The following LRRC38 variants were observed in gnomAD, a reference collection of about 807,000 sequenced individuals.
LRRC38 encodes the protein leucine rich repeat containing 38, also known as leucine-rich repeat-containing protein 38.
In LRRC38, 5 loss-of-function variants were observed where a neutral mutation model predicts 16.4. The ratio of observed to expected loss-of-function variants is 0.31; its 90% CI spans 0.16 to 0.64. The LOEUF (loss-of-function observed/expected upper bound fraction) is 0.64, where lower values mean the gene tolerates loss of function less well. Ranked by LOEUF, LRRC38 falls within the 30% of genes least tolerant of loss-of-function variation. The pLI, the probability that LRRC38 is intolerant of heterozygous loss-of-function variation, is 0.80. For missense variants in LRRC38, 341 were observed against 401.8 expected, an observed-to-expected ratio of 0.85 and a Z score of 1.29; for synonymous variants, 191 against 190.2, an observed-to-expected ratio of 1.00 and a Z score of -0.04.
At chr1:13,512,479 T>G (rs1639283797) in intron 1 of LRRC38, among the ~76,000 whole-genome samples, 1 of 152,202 alleles carries the variant, frequency 6.6e-6, no homozygotes, top group Non-Finnish European at 1.5e-5. Flanking sequence ...CTCACCCATA[T>G]TAGACAGAAG....
intron 1 of LRRC38, among the ~76,000 whole-genome samples, chr1:13,481,048 G>C (rs1638847627): frequency 6.6e-6 from 1 of 152,164 alleles, no homozygotes; most frequent in South Asian, 2.1e-4. Context: ...TGGAGGTGAG[G>C]CCTCTGGGAG....
chr1:13,488,652 G>A (rs1451801307), intron 1 of LRRC38, among the ~76,000 whole-genome samples: 3 of 151,990 alleles, frequency 2.0e-5, no homozygotes, highest in Non-Finnish European at 4.4e-5. Context: ...CGCCAACACT[G>A]GATTTTGTCA....
rs139636711 is a variant in LRRC38 at position 13,510,035 on chromosome 1, C to T, written c.631+2928G>A. ...TCTCATGCAGGTGGTTCTCAGGTGA[C>T]GCTTTGAGAAACACCACGGTGCTCC... On this transcript the variant is annotated intron_variant, in intron 1 of 1. Transcript: ENST00000376085. Among the ~76,000 whole-genome samples, 61 of 152,276 alleles carry T rather than the reference C, an allele frequency of 4.0e-4. No individual in the cohort carries two copies. In the East Asian group the frequency reaches 4.3e-3, roughly 11 times the overall value.
At chr1:13,483,945 G>C (rs565080126) in intron 1 of LRRC38, among the ~76,000 whole-genome samples, 15 of 150,818 alleles carry the variant, frequency 9.9e-5, no homozygotes, top group African/African-American at 3.6e-4. Flanking sequence ...GGGGAGGAGC[G>C]GGGAGGGGAG....
intron 1 of LRRC38, among the ~76,000 whole-genome samples, chr1:13,485,807 G>C (rs1638925842): frequency 6.6e-6 from 1 of 152,192 alleles, no homozygotes; most frequent in Admixed American, 6.6e-5. Flanking sequence ...CACAAACCGA[G>C]GGGCTTAAAA....
intron 1 of LRRC38, among the ~76,000 whole-genome samples, chr1:13,483,920 G>A (rs181657507): frequency 1.2e-3 from 181 of 150,840 alleles, no homozygotes; most frequent in African/African-American, 4.3e-3. Context: ...CCAACAGAGA[G>A]GAGAGGAGTG....
intron 1 of LRRC38, among the ~76,000 whole-genome samples, chr1:13,481,100 G>A (rs150754021): frequency 7.6e-4 from 115 of 152,200 alleles, no homozygotes; most frequent in Middle Eastern, 6.8e-3. Flanking sequence ...GGGTGTGGCT[G>A]TCCTGATGGG....
In LRRC38 at chr1:13,503,948, C is replaced by T. The variant is rs529420623; in HGVS notation, c.631+9015G>A. On this transcript the variant is annotated intron_variant, in intron 1 of 1. Coordinates refer to ENST00000376085, the MANE Select transcript of LRRC38 (RefSeq NM_001010847.2). ...ACACCAGAGGACTCTTAATTGGCAG[C>T]CTCCGACGTGCAAGAGCCGGCCAAG... Among the ~76,000 whole-genome samples, 14 of 152,342 alleles carry T rather than the reference C, an allele frequency of 9.2e-5. 1 individual carries two copies. The highest frequency in any genetic ancestry group is 2.0e-4 in the Admixed American group (3 of 15,298).
chr1:13,510,845 C>A (rs538707088), intron 1 of LRRC38, among the ~76,000 whole-genome samples: 28 of 152,310 alleles, frequency 1.8e-4, no homozygotes, highest in Non-Finnish European at 3.8e-4. Context: ...AGATTATAAA[C>A]CTGAGTCCAA....
At position 13,513,572 on chromosome 1, in the gene LRRC38, A is replaced by T. The variant is rs1639303113; in HGVS notation, c.22T>A (p.Cys8Ser). 1.4e-5 allele frequency: 17 copies of T among 1,201,588 alleles called. No individual in the cohort carries two copies. The highest frequency in any genetic ancestry group is 1.8e-5 in the Non-Finnish European group (17 of 969,402). 74.4% of individuals were successfully genotyped at this position (1,201,588 alleles called of 1,614,324 possible). Residue 8 changes from cysteine to serine, a missense_variant, in exon 1 of 2, where the codon TGC becomes AGC. Physicochemically the swap from Cys to Ser is moderately radical, Grantham distance 112 (BLOSUM62 -1). Coordinates refer to ENST00000376085, the MANE Select transcript of LRRC38 (RefSeq NM_001010847.2). MRPRAPA[C>S]AAAALGLCSL... ...CAGAGCCCGAGCGCCGCGGCGGCGCAGGCTGGGGCTCGGGGGCGCATGGCC... is the reference window on the plus strand; with the variant it reads ...CAGAGCCCGAGCGCCGCGGCGGCGCTGGCTGGGGCTCGGGGGCGCATGGCC...
At chr1:13,507,353 G>A (rs1271166168) in intron 1 of LRRC38, among the ~76,000 whole-genome samples, 1 of 152,188 alleles carries the variant, frequency 6.6e-6, no homozygotes, top group African/African-American at 2.4e-5. Flanking sequence ...TCAACAGCAG[G>A]ACAGAGGTCA....
At chr1:13,512,622 C>T (rs1639285879) in intron 1 of LRRC38, among the ~76,000 whole-genome samples, 2 of 152,052 alleles carry the variant, frequency 1.3e-5, no homozygotes, top group African/African-American at 4.8e-5. Context: ...CTGCATTCCG[C>T]TTACCAGGGA....
Position 13,513,794 on chromosome 1 carries a change from G to A in LRRC38, c.-201C>T, listed in dbSNP as rs1639306960. ...GGGGAGCCGGGACAGCAGGGATGGA[G>A]AGGGGAGGGGCGGGGAGGGAGGGGC... is the stretch of plus-strand genomic sequence containing the variant. On this transcript the variant is annotated 5_prime_UTR_variant, in exon 1 of 2. Transcript: ENST00000376085. 6.6e-6 allele frequency: 1 copy of A among 151,978 alleles called. No individual in the cohort carries two copies. Among genetic ancestry groups the A allele is most frequent in the Admixed American group, 6.6e-5 (1 of 15,192 alleles). The allele number at this position is 151,978 out of a possible 1,614,324, so 9.4% of individuals were successfully genotyped here. A position where few individuals can be genotyped will look rare whatever the true frequency, so the allele number is the denominator to read the frequency against.
chr1:13,511,941 T>C (rs527356736), intron 1 of LRRC38, among the ~76,000 whole-genome samples: 1 of 152,312 alleles, frequency 6.6e-6, no homozygotes, highest in African/African-American at 2.4e-5. Context: ...CCTTGATTTC[T>C]CCGTAAATGG....
chr1:13,494,402 T>C lies in LRRC38; in HGVS notation c.632-18303A>G, dbSNP rs868266406. On this transcript the variant is annotated intron_variant, in intron 1 of 1. Coordinates refer to ENST00000376085, the MANE Select transcript of LRRC38 (RefSeq NM_001010847.2). ...TGTGCCAGGCACTGTGCTAGACTTT[T>C]TTTTTTTTTTTTTTTTCCATTTCTT... Among the ~76,000 whole-genome samples, 1,028 of 137,764 alleles carry C rather than the reference T, an allele frequency of 7.5e-3. 9 individuals carry two copies. The highest frequency in any genetic ancestry group is 0.035 in the African/African-American group (985 of 28,348). 90.4% of individuals were successfully genotyped at this position (137,764 alleles called of 152,430 possible). A position where few individuals can be genotyped will look rare whatever the true frequency, so the allele number is the denominator to read the frequency against.
chr1:13,502,406 C>T (rs1019439435), intron 1 of LRRC38, among the ~76,000 whole-genome samples: 3 of 152,184 alleles, frequency 2.0e-5, no homozygotes, highest in Non-Finnish European at 4.4e-5. Context: ...CTTGCTTCCC[C>T]AGCCTTGCTG....
chr1:13,483,319 T>C lies in LRRC38; in HGVS notation c.632-7220A>G, dbSNP rs1421428812. ...GGCACATGCCACCACCCCCAGCTAA[T>C]TTTTGTATTTTTAGTAGAGATGGGG... On this transcript the variant is annotated intron_variant, in intron 1 of 1. Transcript: ENST00000376085. 2.0e-5 allele frequency among the ~76,000 whole-genome samples: 3 copies of C among 152,056 alleles called. No homozygotes were observed. The East Asian group carries it at 5.8e-4, about 30-fold the overall frequency.
intron 1 of LRRC38, among the ~76,000 whole-genome samples, chr1:13,484,641 G>A (rs1306687079): frequency 1.3e-5 from 2 of 152,226 alleles, no homozygotes; most frequent in Non-Finnish European, 2.9e-5. Context: ...CTGGAGTAGA[G>A]AGAAGCTGTG....
chr1:13,507,487 T>A (rs1036548939), intron 1 of LRRC38, among the ~76,000 whole-genome samples: 3 of 152,194 alleles, frequency 2.0e-5, no homozygotes, highest in African/African-American at 7.2e-5. Flanking sequence ...AATAAGGAGA[T>A]GTTGTTGTCT....
Sources: allele counts gnomAD v4.1 joint callset (sites outside exome capture counted in the v4.1 genomes callset), GRCh38; gene constraint gnomAD v4.1.1; transcripts MANE v1.5; gene names NCBI Gene and HGNC (gene_info 2026-07-23, HGNC 2026-07-21).